Variants in TMEM132C observed in about 807,000 individuals in gnomAD.
TMEM132C encodes the protein transmembrane protein 132C.
TMEM132C carries 29 observed loss-of-function variants against 61.4 expected under a neutral mutation model. The observed-to-expected ratio is 0.47, with a 90% CI of 0.35 to 0.64. TMEM132C has a LOEUF of 0.64. TMEM132C is among the 30% of genes least tolerant of loss of function. TMEM132C has a pLI of 0.00. For missense variants in TMEM132C, 1,408 were observed against 1,476.9 expected (o/e 0.95, Z 0.76); for synonymous variants, 656 against 633.1 (o/e 1.04, Z -0.54).
intron 3 of TMEM132C, among the ~76,000 whole-genome samples, chr12:128,561,189 A>G (rs780736979): frequency 2.6e-5 from 4 of 152,228 alleles, no homozygotes; most frequent in African/African-American, 7.2e-5. Flanking sequence ...TTTTATGTCA[A>G]TGTTGTACTA....
At chr12:128,483,730 G>A (rs1239987491) in intron 2 of TMEM132C, among the ~76,000 whole-genome samples, 1 of 152,126 alleles carries the variant, frequency 6.6e-6, no homozygotes, top group Non-Finnish European at 1.5e-5. Context: ...GTCCAGGAAT[G>A]GAGTGAGGGG....
chr12:128,608,714 C>T (rs907326389), intron 3 of TMEM132C, among the ~76,000 whole-genome samples: 6 of 152,312 alleles, frequency 3.9e-5, no homozygotes, highest in African/African-American at 1.2e-4. Flanking sequence ...GTCTGAGTGT[C>T]ACCTCTCAAG....
chr12:128,341,046 T>G (rs1872963768), intron 1 of TMEM132C, among the ~76,000 whole-genome samples: 1 of 151,886 alleles, frequency 6.6e-6, no homozygotes, highest in Admixed American at 6.6e-5. Context: ...GTTCAAATGA[T>G]TCTCCTGCCT....
intron 4 of TMEM132C, among the ~76,000 whole-genome samples, chr12:128,629,776 G>T (rs1050531618): frequency 1.3e-5 from 2 of 152,118 alleles, no homozygotes; most frequent in Non-Finnish European, 2.9e-5. Flanking sequence ...GATCAGCCTG[G>T]CCAAGATGGT....
intron 2 of TMEM132C, among the ~76,000 whole-genome samples, chr12:128,442,473 T>G (rs1869830260): frequency 6.6e-6 from 1 of 152,012 alleles, no homozygotes; most frequent in South Asian, 2.1e-4. Flanking sequence ...TTTAATTGGA[T>G]TAGGGTGAGG....
At chr12:128,348,665 A>C (rs1873246565) in intron 1 of TMEM132C, among the ~76,000 whole-genome samples, 1 of 152,230 alleles carries the variant, frequency 6.6e-6, no homozygotes, top group African/African-American at 2.4e-5. Context: ...CTAAAACCTG[A>C]GGCTTATGCC....
intron 3 of TMEM132C, among the ~76,000 whole-genome samples, chr12:128,604,995 G>GTTA (rs140573603): frequency 6.0e-5 from 9 of 151,192 alleles, no homozygotes; most frequent in Non-Finnish European, 1.2e-4. Flanking sequence ...CGGATGGATA[G>GTTA]ATAAATGGAC....
intron 2 of TMEM132C, among the ~76,000 whole-genome samples, chr12:128,530,305 C>G (rs996299754): frequency 1.3e-5 from 2 of 152,220 alleles, no homozygotes; most frequent in Non-Finnish European, 2.9e-5. Flanking sequence ...TGTTTAACAT[C>G]TTGCTCCCTA....
intron 3 of TMEM132C, among the ~76,000 whole-genome samples, chr12:128,585,284 G>T (rs1227105425): frequency 6.6e-6 from 1 of 152,204 alleles, no homozygotes; most frequent in Non-Finnish European, 1.5e-5. Context: ...ATGCCCAAAG[G>T]CTAAGACCCA....
At chr12:128,390,408 A>G (rs551515673) in intron 1 of TMEM132C, among the ~76,000 whole-genome samples, 24 of 152,056 alleles carry the variant, frequency 1.6e-4, no homozygotes, top group African/African-American at 5.8e-4. Context: ...CCCCTTCCCT[A>G]TTCTGCAGAG....
At position 128,705,533 on chromosome 12, in the gene TMEM132C, A is replaced by AGCCACTACCACG. The variant is rs1954831825; in HGVS notation, c.2570_2581dup (p.Thr857_Ala860dup). The AGCCACTACCACG allele has an allele frequency of 1.9e-6, 3 of 1,551,056 alleles. No homozygotes were observed. Among genetic ancestry groups the AGCCACTACCACG allele is most frequent in the Non-Finnish European group, 1.7e-6 (2 of 1,146,982 alleles). On this transcript the variant is annotated inframe_insertion, in exon 9 of 9. Transcript: ENST00000435159. ...AGCGTGAGGAAGGGGCTCTCCGAAG[A>AGCCACTACCACG]GCCACTACCACGGCCAGGTCCCTGC...
At chr12:128,460,629 A>G (rs1870500323) in intron 2 of TMEM132C, among the ~76,000 whole-genome samples, 1 of 152,212 alleles carries the variant, frequency 6.6e-6, no homozygotes, top group South Asian at 2.1e-4. Context: ...AAAAGTTGTC[A>G]CCAGAAAAAG....
chr12:128,487,266 A>G (rs1484406656), intron 2 of TMEM132C, among the ~76,000 whole-genome samples: 1 of 152,104 alleles, frequency 6.6e-6, no homozygotes, highest in African/African-American at 2.4e-5. Flanking sequence ...TGTTCTAATC[A>G]GCCCCTTCAA....
intron 4 of TMEM132C, among the ~76,000 whole-genome samples, chr12:128,654,905 T>C (rs1051067356): frequency 6.6e-6 from 1 of 152,144 alleles, no homozygotes; most frequent in Non-Finnish European, 1.5e-5. Context: ...TCCCTGTAAA[T>C]GTTCAGGAGA....
intron 1 of TMEM132C, among the ~76,000 whole-genome samples, chr12:128,353,393 G>A (rs759585981): frequency 7.2e-5 from 11 of 152,104 alleles, no homozygotes; most frequent in Admixed American, 6.5e-5. Context: ...AGGTGCTAAC[G>A]CTGCGATCTG....
intron 7 of TMEM132C, among the ~76,000 whole-genome samples, chr12:128,696,815 T>TGGTGGTGGTG (rs1025482178): frequency 5.9e-5 from 9 of 152,154 alleles, no homozygotes; most frequent in African/African-American, 2.2e-4. Flanking sequence ...GGATACATTG[T>TGGTGGTGGTG]GGTGGTGGTG....
intron 3 of TMEM132C, among the ~76,000 whole-genome samples, chr12:128,547,228 T>C (rs1873982813): frequency 6.6e-6 from 1 of 152,094 alleles, no homozygotes; most frequent in East Asian, 1.9e-4. Context: ...TGAAGCCTCA[T>C]TGGCACTGAG....
chr12:128,638,340 G>A (rs1412020834), intron 4 of TMEM132C, among the ~76,000 whole-genome samples: 1 of 152,194 alleles, frequency 6.6e-6, no homozygotes, highest in Non-Finnish European at 1.5e-5. Flanking sequence ...ACCAGAGGAA[G>A]TCAGAGTAAA....
intron 1 of TMEM132C, among the ~76,000 whole-genome samples, chr12:128,364,233 C>T (rs1873792485): frequency 1.3e-5 from 2 of 149,896 alleles, no homozygotes; most frequent in Admixed American, 1.3e-4. Context: ...TGTTTTCTTC[C>T]TCCTTCTCCT....
Sources: allele counts gnomAD v4.1 joint callset (sites outside exome capture counted in the v4.1 genomes callset), GRCh38; gene constraint gnomAD v4.1.1; transcripts MANE v1.5; gene names NCBI Gene and HGNC (gene_info 2026-07-23, HGNC 2026-07-21).